The following TMEM151B variants were observed in gnomAD, a reference collection of about 807,000 sequenced individuals.
TMEM151B encodes the protein transmembrane protein 193.
In TMEM151B, 18 loss-of-function variants were observed where a neutral mutation model predicts 33.0. The observed-to-expected ratio is 0.55, with a 90% CI of 0.38 to 0.81. The LOEUF is 0.81. TMEM151B is among the 30% of genes least tolerant of loss of function. TMEM151B has a pLI of 0.00. For synonymous variants in TMEM151B, 354 were observed against 373.6 expected, an observed-to-expected ratio of 0.95 and a Z score of 0.61; for missense variants, 672 against 843.4, an observed-to-expected ratio of 0.80 and a Z score of 2.52.
At chr6:44,271,552 G>A (rs187567827) in intron 1 of TMEM151B, among the ~76,000 whole-genome samples, 2 of 152,228 alleles carry the variant, frequency 1.3e-5, no homozygotes, top group East Asian at 3.9e-4. Context: ...CTAGGGCAGA[G>A]GCACACAAGC....
In TMEM151B at chr6:44,279,441, C is replaced by G. The variant is rs1167063824; in HGVS notation, c.*2914C>G. The G allele has an allele frequency of 6.6e-6, 1 of 152,194 alleles. No individual in the cohort carries two copies. The highest frequency in any genetic ancestry group is 1.9e-4 in the East Asian group (1 of 5,198). 9.4% of individuals were successfully genotyped at this position (152,194 alleles called of 1,614,324 possible). On this transcript the variant is annotated 3_prime_UTR_variant, in exon 3 of 3. Coordinates refer to ENST00000451188, the MANE Select transcript of TMEM151B (RefSeq NM_001137560.2). ...GGATAATAAAGTCGTGGATGACTCA[C>G]TGACTTCCTGTCCCAGTGTGGCACT...
In TMEM151B at chr6:44,276,730, G is replaced by T; in HGVS notation, c.*203G>T. 2.7e-6 allele frequency: 3 copies of T among 1,120,172 alleles called. No individual in the cohort carries two copies. Among genetic ancestry groups the T allele is most frequent in the Non-Finnish European group, 3.4e-6 (3 of 886,832 alleles). 69.4% of individuals were successfully genotyped at this position (1,120,172 alleles called of 1,614,324 possible). Reference sequence around the variant, plus strand: ...TAAAGAGACCGATGGGTGGGAGGGGGTCGGCTGCTCCCCGAGATCCCCCTG... The same window carrying T: ...TAAAGAGACCGATGGGTGGGAGGGGTTCGGCTGCTCCCCGAGATCCCCCTG... On this transcript the variant is annotated 3_prime_UTR_variant, in exon 3 of 3. Transcript: ENST00000451188.
At position 44,273,269 on chromosome 6, in the gene TMEM151B, C is replaced by T; in HGVS notation, c.339C>T (p.Val113=). ...YHDSPCSNGY[V]YIPLAFLLML... ...ACAGCCCCTGCTCCAACGGCTATGT[C>T]TACATCCCCCTGGCCTTCCTGCTCA... Residue 113 remains valine (V), a synonymous_variant, in exon 2 of 3, where the codon GTC becomes GTT. Coordinates refer to ENST00000451188, the MANE Select transcript of TMEM151B (RefSeq NM_001137560.2). 6.4e-7 allele frequency: 1 copy of T among 1,551,830 alleles called. No homozygotes were observed. The highest frequency in any genetic ancestry group is 8.7e-7 in the Non-Finnish European group (1 of 1,147,012).
chr6:44,270,998 C>G (rs1782311552), intron 1 of TMEM151B, 121 bp downstream of exon 1: 2 of 685,080 alleles, frequency 2.9e-6, no homozygotes, highest in Non-Finnish European at 3.6e-6. Context: ...CCGAGCCGGC[C>G]GCTGCAGCCG....
At position 44,275,711 on chromosome 6, in the gene TMEM151B, G is replaced by A; in HGVS notation, c.885G>A (p.Trp295Ter). 3.2e-6 allele frequency: 5 copies of A among 1,549,942 alleles called. No individual in the cohort carries two copies. The highest frequency in any genetic ancestry group is 4.4e-6 in the Non-Finnish European group (5 of 1,146,420). ...TCCCGGACCCGGCCCGGCCGCCCTG[G>A]TACGCCTGCTCGTCGGCCTTCTGGG... ...VAFPDPARPPWYACSSAFWAA... is the reference protein window; with the variant it reads ...VAFPDPARPP Residue 295 changes from tryptophan to a stop codon, truncating the protein, a stop_gained, in exon 3 of 3, where the codon TGG (tryptophan) becomes TGA (stop). Transcript: ENST00000451188. LOFTEE classifies it high-confidence loss of function.
Position 44,275,898 on chromosome 6 carries a change from C to T in TMEM151B, c.1072C>T (p.Leu358Phe), listed in dbSNP as rs954038391. Reference sequence around the variant, plus strand: ...CCCCAGCGATGAGCTGCTGCCCCCGCTCACCCACCGCCTGCCGCGGGTCAA... The same window carrying T: ...CCCCAGCGATGAGCTGCTGCCCCCGTTCACCCACCGCCTGCCGCGGGTCAA... ...LSPSDELLPP[L>F]THRLPRVNTV... is the part of the protein sequence containing the mutation. Residue 358 changes from leucine (L) to phenylalanine (F), a missense_variant, in exon 3 of 3, where the codon CTC becomes TTC. Transcript: ENST00000451188. The T allele has an allele frequency of 7.8e-6, 12 of 1,532,538 alleles. No individual in the cohort carries two copies. The highest frequency in any genetic ancestry group is 1.1e-5 in the Non-Finnish European group (12 of 1,139,558). The allele number at this position is 1,532,538 out of a possible 1,614,324, so 94.9% of individuals were successfully genotyped here. A position where few individuals can be genotyped will look rare whatever the true frequency, so the allele number is the denominator to read the frequency against.
In TMEM151B at chr6:44,277,163, CTG is replaced by C. The variant is rs1396275323; in HGVS notation, c.*638_*639del. On this transcript the variant is annotated 3_prime_UTR_variant, in exon 3 of 3. Transcript: ENST00000451188. ...GGTTTCCTTTCTGCCGCTCCCTCCACTGTTGTTTATCTAACTGGGCCCCCACT... is the reference window on the plus strand; with the variant it reads ...GGTTTCCTTTCTGCCGCTCCCTCCACTTGTTTATCTAACTGGGCCCCCACT... The C allele has an allele frequency of 6.6e-6, 1 of 152,534 alleles. No homozygotes were observed. Among genetic ancestry groups the C allele is most frequent in the African/African-American group, 2.4e-5 (1 of 41,462 alleles). 9.4% of individuals were successfully genotyped at this position (152,534 alleles called of 1,614,324 possible). A position where few individuals can be genotyped will look rare whatever the true frequency, so the allele number is the denominator to read the frequency against.
intron 2 of TMEM151B, among the ~76,000 whole-genome samples, 186 bp from the exon 3 acceptor site, chr6:44,275,217 G>A (rs1196771940): frequency 6.6e-6 from 1 of 152,212 alleles, no homozygotes; most frequent in Non-Finnish European, 1.5e-5. Context: ...TTACACAGAG[G>A]GCGTCAGTTG....
chr6:44,271,889 T>G (rs1001799850), intron 1 of TMEM151B, among the ~76,000 whole-genome samples: 1 of 43,548 alleles, frequency 2.3e-5, no homozygotes, highest in African/African-American at 1.0e-4. Flanking sequence ...GTTGTGTGTG[T>G]GTGTGTGTGT....
In TMEM151B at chr6:44,276,487, C is replaced by A; in HGVS notation, c.1661C>A (p.Pro554Gln). The A allele has an allele frequency of 2.1e-6, 3 of 1,438,524 alleles. No individual in the cohort carries two copies. Among genetic ancestry groups the A allele is most frequent in the Non-Finnish European group, 2.7e-6 (3 of 1,093,114 alleles). The allele number at this position is 1,438,524 out of a possible 1,614,324, so 89.1% of individuals were successfully genotyped here. The part of the protein sequence containing the change: ...QEGCLGHSHR[P>Q]LHRHGSCVET... ...GGGTGTCTGGGCCACAGCCACCGGC[C>A]GCTGCACCGCCACGGCTCCTGCGTA... is the stretch of plus-strand genomic sequence containing the variant. The change falls in exon 3 of 3, where the codon CCG becomes CAG. Residue 554 changes from proline (P) to glutamine (Q), a missense_variant. Coordinates refer to ENST00000451188, the MANE Select transcript of TMEM151B (RefSeq NM_001137560.2).
At position 44,275,761 on chromosome 6, in the gene TMEM151B, G is replaced by A; in HGVS notation, c.935G>A (p.Trp312Ter). ...GCCGCGGCGCTGCTCACGCTGTCGT[G>A]GCCGCTGCGAGTGCTGGCCGAGTAC... Reference protein sequence around the residue: ...FWAAALLTLSWPLRVLAEYRT... With the variant: ...FWAAALLTLS Residue 312 changes from tryptophan (W) to a stop codon, truncating the protein, a stop_gained, in exon 3 of 3, where the codon TGG (tryptophan) becomes TAG (stop). Coordinates refer to ENST00000451188, the MANE Select transcript of TMEM151B (RefSeq NM_001137560.2). LOFTEE classifies it high-confidence loss of function. 6.5e-7 allele frequency: 1 copy of A among 1,544,850 alleles called. No homozygotes were observed. Among genetic ancestry groups the A allele is most frequent in the Non-Finnish European group, 8.7e-7 (1 of 1,144,732 alleles).
rs749240174 is a variant in TMEM151B, at chr6:44,275,908, G to T, written c.1082G>T (p.Arg361Leu). 2.6e-6 allele frequency: 4 copies of T among 1,528,934 alleles called. No homozygotes were observed. Among genetic ancestry groups the T allele is most frequent in the Middle Eastern group, 1.7e-4 (1 of 5,884 alleles). 94.7% of individuals were successfully genotyped at this position (1,528,934 alleles called of 1,614,324 possible). ...GAGCTGCTGCCCCCGCTCACCCACC[G>T]CCTGCCGCGGGTCAACACAGTAGAC... ...SDELLPPLTH[R>L]LPRVNTVDST... The change falls in exon 3 of 3, where the codon CGC becomes CTC. Residue 361 changes from arginine to leucine, a missense_variant. Coordinates refer to ENST00000451188, the MANE Select transcript of TMEM151B (RefSeq NM_001137560.2).
chr6:44,273,186 A>T lies in TMEM151B; in HGVS notation c.256A>T (p.Thr86Ser). Residue 86 changes from threonine to serine, a missense_variant, in exon 2 of 3, where the codon ACA becomes TCA. Physicochemically the swap from Thr to Ser is moderately conservative, Grantham distance 58 (BLOSUM62 1). This residue lies in a region of TMEM151B where 285 missense variants were observed against 423.1 expected (regional missense o/e 0.67). Transcript: ENST00000451188. ...GGCAGTGGCCTGGTGCCACGTCACC[A>T]CAGTGACGCGCCTCACCTTCAGCAG... is the stretch of plus-strand genomic sequence containing the variant. ...LGAVAWCHVT[T>S]VTRLTFSSAY... is the part of the protein sequence containing the mutation. 6.5e-7 allele frequency: 1 copy of T among 1,549,268 alleles called. No homozygotes were observed. Among genetic ancestry groups the T allele is most frequent in the South Asian group, 1.2e-5 (1 of 84,030 alleles).
chr6:44,273,052 G>T lies in TMEM151B; in HGVS notation c.136-14G>T. 1 of 1,476,880 alleles carries T rather than the reference G, an allele frequency of 6.8e-7. No individual in the cohort carries two copies. The highest frequency in any genetic ancestry group is 1.4e-5 in the South Asian group (1 of 73,808). 91.5% of individuals were successfully genotyped at this position (1,476,880 alleles called of 1,614,324 possible). On this transcript the variant is annotated splice_polypyrimidine_tract_variant and intron_variant, in intron 1 of 2. Transcript: ENST00000451188. ...CCCACTCATCTTGGCCCCTCTCCCTGCCCACCTGAGCAGCAGCGTCCCATC... is the reference window on the plus strand; with the variant it reads ...CCCACTCATCTTGGCCCCTCTCCCTTCCCACCTGAGCAGCAGCGTCCCATC...
In TMEM151B at chr6:44,277,680, GGCAGGGTC is replaced by G. The variant is rs1782647384; in HGVS notation, c.*1154_*1161del. The G allele has an allele frequency of 6.6e-6, 1 of 152,188 alleles. No homozygotes were observed. The highest frequency in any genetic ancestry group is 1.5e-5 in the Non-Finnish European group (1 of 68,056). The allele number at this position is 152,188 out of a possible 1,614,324, so 9.4% of individuals were successfully genotyped here. On this transcript the variant is annotated 3_prime_UTR_variant, in exon 3 of 3. Coordinates refer to ENST00000451188, the MANE Select transcript of TMEM151B (RefSeq NM_001137560.2). ...CCCCAACTGGAGAAATAATTCCAAT[GGCAGGGTC>G]AGAGGCAAGCATTCTCTAAATCTTG...
Position 44,276,220 on chromosome 6 carries a change from G to T in TMEM151B, c.1394G>T (p.Gly465Val). 2 of 1,291,558 alleles carry T rather than the reference G, an allele frequency of 1.5e-6. No individual in the cohort carries two copies. The highest frequency in any genetic ancestry group is 2.5e-5 in the South Asian group (1 of 40,268). 80.0% of individuals were successfully genotyped at this position (1,291,558 alleles called of 1,614,324 possible). A position where few individuals can be genotyped will look rare whatever the true frequency, so the allele number is the denominator to read the frequency against. ...CCGCGGGCCGGCCCGGGGCCCGGTG[G>T]GGGCGCGGGCTGCGGGGGCAGCCGC... is the stretch of plus-strand genomic sequence containing the variant. ...ASPRAGPGPGGGAGCGGSRFS... is the reference protein window; with the variant it reads ...ASPRAGPGPGVGAGCGGSRFS... Residue 465 changes from glycine to valine, a missense_variant, in exon 3 of 3, where the codon GGG becomes GTG. Around this residue, in one of 3 missense-constraint regions of TMEM151B, gnomAD observed 324 missense variants for 363.1 expected, o/e 0.89. Coordinates refer to ENST00000451188, the MANE Select transcript of TMEM151B (RefSeq NM_001137560.2).
At position 44,275,515 on chromosome 6, in the gene TMEM151B, C is replaced by T. The variant is rs1385595151; in HGVS notation, c.689C>T (p.Thr230Met). The T allele has an allele frequency of 6.5e-7, 1 of 1,549,780 alleles. No individual in the cohort carries two copies. Among genetic ancestry groups the T allele is most frequent in the African/African-American group, 1.4e-5 (1 of 73,036 alleles). Residue 230 changes from threonine to methionine, a missense_variant, in exon 3 of 3, where the codon ACG becomes ATG. Thr to Met is a moderately conservative substitution (Grantham distance 81). This residue lies in a region of TMEM151B where 285 missense variants were observed against 423.1 expected (regional missense o/e 0.67). Transcript: ENST00000451188. ...GTGGGGCTGGAGGGCGCGCCGGCCA[C>T]GCGGCTGCGCTTCACCAAGTGCTTC... ...TLVGLEGAPA[T>M]RLRFTKCFSF...
chr6:44,276,386 C>A lies in TMEM151B; in HGVS notation c.1560C>A (p.Asp520Glu). 3 of 1,515,722 alleles carry A rather than the reference C, an allele frequency of 2.0e-6. No homozygotes were observed. The highest frequency in any genetic ancestry group is 2.6e-6 in the Non-Finnish European group (3 of 1,137,486). The allele number at this position is 1,515,722 out of a possible 1,614,324, so 93.9% of individuals were successfully genotyped here. A position where few individuals can be genotyped will look rare whatever the true frequency, so the allele number is the denominator to read the frequency against. Residue 520 changes from aspartate (D) to glutamate (E), a missense_variant, in exon 3 of 3, where the codon GAC (aspartate) becomes GAA (glutamate). Asp to Glu is a conservative substitution (Grantham distance 45, BLOSUM62 2). This residue lies in a region of TMEM151B where 324 missense variants were observed against 363.1 expected (regional missense o/e 0.89). Coordinates refer to ENST00000451188, the MANE Select transcript of TMEM151B (RefSeq NM_001137560.2). ...GCATGGGGGACGACGAGGACGACGACGAGGAGGAGGCCGGGCCGCCGCCGC... is the reference window on the plus strand; with the variant it reads ...GCATGGGGGACGACGAGGACGACGAAGAGGAGGAGGCCGGGCCGCCGCCGC... The part of the protein sequence containing the change: ...QASMGDDEDD[D>E]EEEAGPPPPY...
intron 1 of TMEM151B, among the ~76,000 whole-genome samples, chr6:44,272,827 G>C (rs1375473390): frequency 2.0e-5 from 3 of 152,040 alleles, no homozygotes; most frequent in Non-Finnish European, 4.4e-5. Context: ...GCACTCTCCT[G>C]TACTGGCATT....
Sources: gnomAD v4.1 joint callset for allele counts (sites outside exome capture counted in the v4.1 genomes callset) on GRCh38, gnomAD v4.1.1 for gene constraint, gnomAD v4.1.1 regional missense constraint, MANE v1.5 for transcripts, NCBI Gene and HGNC (gene_info 2026-07-23, HGNC 2026-07-21) for gene names.